SLC23A2: variants seen among roughly 807,000 people sequenced by gnomAD.
SLC23A2 encodes the protein Na(+)/L-ascorbic acid transporter 2.
In SLC23A2, 36 loss-of-function variants were observed where a neutral mutation model predicts 73.3. That is an observed-to-expected ratio of 0.49 (90% CI 0.38 to 0.65). The LOEUF (loss-of-function observed/expected upper bound fraction) is 0.65, where lower values mean the gene tolerates loss of function less well. Among genes scored for constraint, SLC23A2 ranks in the 30% least tolerant of loss-of-function variants. The probability of loss-of-function intolerance (pLI) is 0.00; values close to 1 mark genes in which losing one functional copy is unlikely to be tolerated. For missense variants in SLC23A2, 507 were observed against 841.6 expected (o/e 0.60, Z 4.92); for synonymous variants, 343 against 327.3 (o/e 1.05, Z -0.52).
intron 3 of SLC23A2, among the ~76,000 whole-genome samples, chr20:4,929,991 G>A (rs1932768864): frequency 6.6e-6 from 1 of 152,184 alleles, no homozygotes; most frequent in African/African-American, 2.4e-5. Context: ...TATCTTAAAT[G>A]AAAAGCAAAC....
At chr20:4,904,076 C>T (rs1931848758) in intron 4 of SLC23A2, among the ~76,000 whole-genome samples, 1 of 152,158 alleles carries the variant, frequency 6.6e-6, no homozygotes, top group Admixed American at 6.5e-5. Flanking sequence ...GTGAGGATCA[C>T]TTGAGGCCAG....
At chr20:4,983,825 G>A (rs1448558497) in intron 1 of SLC23A2, among the ~76,000 whole-genome samples, 3 of 149,696 alleles carry the variant, frequency 2.0e-5, no homozygotes, top group East Asian at 2.0e-4. Flanking sequence ...GCGTGGTGGT[G>A]CATGCCTGTA....
intron 1 of SLC23A2, among the ~76,000 whole-genome samples, chr20:4,975,955 G>A (rs143891586): frequency 0.017 from 2,596 of 151,018 alleles, 40 homozygotes; most frequent in Non-Finnish European, 0.027. Context: ...CCGGGTTCAC[G>A]CCTTTCTCCT....
intron 6 of SLC23A2, among the ~76,000 whole-genome samples, chr20:4,896,193 C>T (rs974489691): frequency 2.6e-5 from 4 of 152,262 alleles, no homozygotes; most frequent in South Asian, 2.1e-4. Context: ...GGGGAACCAG[C>T]GGCCTCTCTC....
intron 1 of SLC23A2, among the ~76,000 whole-genome samples, chr20:4,982,070 A>G (rs1294345826): frequency 2.7e-5 from 4 of 150,262 alleles, no homozygotes; most frequent in Non-Finnish European, 4.4e-5. Flanking sequence ...TCTTGGCTCA[A>G]TGCAACCTCC....
intron 2 of SLC23A2, among the ~76,000 whole-genome samples, chr20:4,963,455 A>G (rs752389771): frequency 3.9e-5 from 6 of 152,146 alleles, no homozygotes; most frequent in African/African-American, 9.7e-5. Flanking sequence ...CTGCATGGCT[A>G]TAAGAATCCC....
intron 1 of SLC23A2, among the ~76,000 whole-genome samples, chr20:5,009,068 T>G (rs1390444446): frequency 1.3e-5 from 2 of 152,128 alleles, no homozygotes; most frequent in Non-Finnish European, 2.9e-5. Context: ...CCCTCAAAAT[T>G]GCACAATCCA....
chr20:4,894,456 G>T (rs1382206425), intron 6 of SLC23A2, among the ~76,000 whole-genome samples: 1 of 152,172 alleles, frequency 6.6e-6, no homozygotes, highest in Admixed American at 6.5e-5. Flanking sequence ...AAGGAAGAAG[G>T]GTCTGCAGCC....
chr20:4,871,385 G>A (rs563947903), intron 11 of SLC23A2, among the ~76,000 whole-genome samples: 6 of 152,266 alleles, frequency 3.9e-5, no homozygotes, highest in East Asian at 1.9e-4. Flanking sequence ...AGGTGGGAAC[G>A]GAGGTGCCCC....
At position 4,862,725 on chromosome 20, in the gene SLC23A2, C is replaced by T. The variant is rs1930019660; in HGVS notation, c.1486+53G>A. The T allele has an allele frequency of 1.9e-6, 3 of 1,542,296 alleles. No individual in the cohort carries two copies. The highest frequency in any genetic ancestry group is 2.7e-5 in the African/African-American group (2 of 73,170). ...AGGGAGTCAGCAAAAACACCATGAC[C>T]CCTATTAAAAATTTGGAAAAGTAAA... On this transcript the variant is annotated intron_variant, in intron 14 of 16. Coordinates refer to ENST00000338244, the MANE Select transcript of SLC23A2 (RefSeq NM_005116.6). This position sits in a 1 kb window ranked among gnomAD's most constrained non-coding sequence, Gnocchi z 5.1.
At chr20:4,897,061 C>T (rs1376201637) in intron 6 of SLC23A2, among the ~76,000 whole-genome samples, 2 of 152,220 alleles carry the variant, frequency 1.3e-5, no homozygotes, top group Admixed American at 6.5e-5. Context: ...GATGGCGCTG[C>T]CCTTCGTGCT....
At chr20:4,914,553 T>G (rs567035380) in intron 3 of SLC23A2, among the ~76,000 whole-genome samples, 3 of 152,114 alleles carry the variant, frequency 2.0e-5, no homozygotes, top group Non-Finnish European at 4.4e-5. Flanking sequence ...TTAAAACAGG[T>G]ATTTCTGTGG....
intron 11 of SLC23A2, among the ~76,000 whole-genome samples, 196 bp from the exon 12 acceptor site, chr20:4,870,249 T>A (rs2122793962): frequency 6.6e-6 from 1 of 152,242 alleles, no homozygotes; most frequent in Non-Finnish European, 1.5e-5. Context: ...AAGGCGGCCA[T>A]AATGAGGACT....
At chr20:4,984,907 T>C (rs945593918) in intron 1 of SLC23A2, among the ~76,000 whole-genome samples, 8 of 151,906 alleles carry the variant, frequency 5.3e-5, no homozygotes, top group African/African-American at 1.7e-4. Flanking sequence ...GGGAGGCCAA[T>C]GCGGGCGGAT....
chr20:4,950,852 T>C (rs1030266534), intron 2 of SLC23A2, among the ~76,000 whole-genome samples: 12 of 152,140 alleles, frequency 7.9e-5, no homozygotes, highest in African/African-American at 2.7e-4. Context: ...GGACAATTCC[T>C]GGAGAAAAGC....
intron 1 of SLC23A2, among the ~76,000 whole-genome samples, chr20:4,997,413 C>T (rs565196296): frequency 6.6e-6 from 1 of 151,588 alleles, no homozygotes; most frequent in Non-Finnish European, 1.5e-5. Context: ...CAGAATGATC[C>T]TTCTCCCAGA....
chr20:4,977,601 G>C (rs1417129915), intron 1 of SLC23A2, among the ~76,000 whole-genome samples: 1 of 151,770 alleles, frequency 6.6e-6, no homozygotes, highest in African/African-American at 2.4e-5. Flanking sequence ...GGGAGGCTGA[G>C]GCAGGAGAAT....
In SLC23A2 at chr20:4,998,001, C is replaced by T. The variant is rs1451894871; in HGVS notation, c.-282+3405G>A. ...CCACCTACAAGCCAGGAAGAAAGCC[C>T]TCACCAGAAACTAAAGAGGCCAGAA... On this transcript the variant is annotated intron_variant, in intron 1 of 16. Coordinates refer to ENST00000338244, the MANE Select transcript of SLC23A2 (RefSeq NM_005116.6). This position sits in a 1 kb window ranked among gnomAD's most constrained non-coding sequence, Gnocchi z 4.1. Among the ~76,000 whole-genome samples the T allele has an allele frequency of 6.6e-6, 1 of 152,118 alleles. No homozygotes were observed. The highest frequency in any genetic ancestry group is 1.5e-5 in the Non-Finnish European group (1 of 68,026).
intron 1 of SLC23A2, among the ~76,000 whole-genome samples, chr20:4,993,765 T>C (rs1289701839): frequency 2.6e-5 from 4 of 152,022 alleles, no homozygotes; most frequent in Non-Finnish European, 4.4e-5. Context: ...AATATAAATA[T>C]CAAAAAAGCT....
Sources: allele counts gnomAD v4.1 joint callset (sites outside exome capture counted in the v4.1 genomes callset), GRCh38; gene constraint gnomAD v4.1.1; non-coding constraint Gnocchi (gnomAD v3.1); transcripts MANE v1.5; gene names NCBI Gene and HGNC (gene_info 2026-07-23, HGNC 2026-07-21).